The following XRCC4 variants were observed in gnomAD, a reference collection of about 807,000 sequenced individuals.
XRCC4 encodes X-ray repair cross complementing 4, also known as DNA repair protein XRCC4.
In XRCC4, 28 loss-of-function variants were observed where a neutral mutation model predicts 39.1. The ratio of observed to expected loss-of-function variants is 0.72; its 90% confidence interval spans 0.53 to 0.98. The LOEUF (loss-of-function observed/expected upper bound fraction) is 0.98. XRCC4 is among the 50% of genes least tolerant of loss of function. XRCC4 has a pLI of 0.00. For missense variants in XRCC4, 350 were observed against 376.4 expected, an observed-to-expected ratio of 0.93 and a Z score of 0.58; for synonymous variants, 123 against 126.4, an observed-to-expected ratio of 0.97 and a Z score of 0.18.
At chr5:83,135,057 C>T (rs1287887651) in intron 3 of XRCC4, among the ~76,000 whole-genome samples, 1 of 152,216 alleles carries the variant, frequency 6.6e-6, no homozygotes, top group African/African-American at 2.4e-5. Context: ...CAGCTTCATT[C>T]TTGAAGTCCG....
intron 3 of XRCC4, among the ~76,000 whole-genome samples, chr5:83,186,525 A>G (rs1750446063): frequency 6.6e-6 from 1 of 152,126 alleles, no homozygotes. Flanking sequence ...CATTGGGCCC[A>G]CCTGGCTAAT....
At chr5:83,225,358 T>C (rs1752247593) in intron 6 of XRCC4, among the ~76,000 whole-genome samples, 2 of 152,074 alleles carry the variant, frequency 1.3e-5, no homozygotes, top group East Asian at 1.9e-4. Flanking sequence ...TTACTTTTTC[T>C]GTACTGGGAC....
chr5:83,285,402 T>C (rs1754698178), intron 7 of XRCC4, among the ~76,000 whole-genome samples: 1 of 152,110 alleles, frequency 6.6e-6, no homozygotes, highest in African/African-American at 2.4e-5. Context: ...CATTTAACTT[T>C]AAGGAATATA....
intron 3 of XRCC4, among the ~76,000 whole-genome samples, chr5:83,192,345 G>A (rs527719970): frequency 8.2e-5 from 12 of 145,602 alleles, no homozygotes; most frequent in Non-Finnish European, 1.2e-4. Context: ...GTCTTGCTCT[G>A]TCACCAGGCT....
chr5:83,083,017 T>TG (rs1745022690), intron 1 of XRCC4, among the ~76,000 whole-genome samples: 1 of 152,178 alleles, frequency 6.6e-6, no homozygotes, highest in Non-Finnish European at 1.5e-5. Flanking sequence ...TCCATACAGC[T>TG]ATTCCTTCAT....
intron 3 of XRCC4, among the ~76,000 whole-genome samples, chr5:83,116,891 G>A (rs1746751091): frequency 6.6e-6 from 1 of 151,856 alleles, no homozygotes; most frequent in South Asian, 2.1e-4. Flanking sequence ...CAAAGTGCTG[G>A]GATTATAGGC....
At chr5:83,206,097 T>G (rs1751411041) in intron 6 of XRCC4, among the ~76,000 whole-genome samples, 2 of 151,964 alleles carry the variant, frequency 1.3e-5, no homozygotes, top group African/African-American at 2.4e-5. Context: ...CATTAGAACT[T>G]CTCCTGTTAC....
chr5:83,146,803 A>G (rs534165172), intron 3 of XRCC4, among the ~76,000 whole-genome samples: 207 of 152,320 alleles, frequency 1.4e-3, no homozygotes, highest in African/African-American at 4.8e-3. Flanking sequence ...ATTTTTCTGT[A>G]TGTTTTCTTT....
chr5:83,339,553 C>T (rs138292563), intron 7 of XRCC4, among the ~76,000 whole-genome samples: 2,858 of 152,064 alleles, frequency 0.019, 86 homozygotes, highest in African/African-American at 0.065. Context: ...GTGCGGCAAA[C>T]CACCATGGCA....
intron 6 of XRCC4, among the ~76,000 whole-genome samples, chr5:83,245,322 T>A (rs1024224115): frequency 1.3e-5 from 2 of 152,146 alleles, no homozygotes; most frequent in Non-Finnish European, 2.9e-5. Flanking sequence ...TTGAAATTAA[T>A]CTGTTGCTGT....
At chr5:83,159,209 T>G (rs1021650679) in intron 3 of XRCC4, among the ~76,000 whole-genome samples, 7 of 152,182 alleles carry the variant, frequency 4.6e-5, no homozygotes, top group African/African-American at 1.7e-4. Context: ...AAAATAATAA[T>G]TATTCATTTC....
intron 6 of XRCC4, among the ~76,000 whole-genome samples, chr5:83,236,390 A>G (rs1162452274): frequency 6.6e-6 from 1 of 152,250 alleles, no homozygotes; most frequent in Middle Eastern, 3.4e-3. Context: ...CTGGAACAGA[A>G]TAGAGAACCC....
rs1554065873 is a variant in XRCC4, at chr5:83,218,062, T to TATATATATATATATATA, written c.745+13141_745+13142insATATATATATATATATA. ...TTGAACTTCTCAGTCTTTACCTTTT[T>TATATATATATATATATA]TATATATATATATATATTTATTAGA... On this transcript the variant is annotated intron_variant, in intron 6 of 7. Transcript: ENST00000396027. 5.7e-3 allele frequency among the ~76,000 whole-genome samples: 844 copies of TATATATATATATATATA among 147,486 alleles called. 7 individuals carry two copies. Among genetic ancestry groups the TATATATATATATATATA allele is most frequent in the African/African-American group, 0.019 (764 of 39,756 alleles).
chr5:83,251,573 G>A (rs1021970043), intron 6 of XRCC4, among the ~76,000 whole-genome samples: 4 of 150,878 alleles, frequency 2.7e-5, no homozygotes, highest in South Asian at 2.1e-4. Flanking sequence ...TTTTGTAGGC[G>A]TAGAACAATA....
Position 83,252,918 on chromosome 5 carries a change from G to A in XRCC4, c.746-5612G>A, listed in dbSNP as rs187581904. 3.9e-3 allele frequency among the ~76,000 whole-genome samples: 601 copies of A among 152,278 alleles called. 4 individuals are homozygous for A. The highest frequency in any genetic ancestry group is 6.4e-3 in the Non-Finnish European group (436 of 68,014). On this transcript the variant is annotated intron_variant, in intron 6 of 7. Coordinates refer to ENST00000396027, the MANE Select transcript of XRCC4 (RefSeq NM_003401.5). ...TGTTAGGGTTTAGCACAAGGCATGG[G>A]TTCCAGCTATAGGGTATTCATAATT...
chr5:83,246,466 T>C (rs1753105318), intron 6 of XRCC4, among the ~76,000 whole-genome samples: 1 of 152,170 alleles, frequency 6.6e-6, no homozygotes. Context: ...TTTTAGTCTG[T>C]TACTTTGTCC....
intron 4 of XRCC4, among the ~76,000 whole-genome samples, chr5:83,199,948 C>T (rs1751112314): frequency 6.6e-6 from 1 of 151,908 alleles, no homozygotes; most frequent in South Asian, 2.1e-4. Context: ...TGGATTTGAT[C>T]CTTGGACTAG....
At chr5:83,299,730 G>C (rs749241017) in intron 7 of XRCC4, among the ~76,000 whole-genome samples, 32 of 152,060 alleles carry the variant, frequency 2.1e-4, no homozygotes, top group Non-Finnish European at 4.0e-4. Context: ...TTTATTTTTA[G>C]ATATTACGTG....
intron 6 of XRCC4, among the ~76,000 whole-genome samples, chr5:83,207,239 A>G (rs1751455455): frequency 6.6e-6 from 1 of 152,158 alleles, no homozygotes; most frequent in African/African-American, 2.4e-5. Flanking sequence ...AAAATTATTG[A>G]TGAGAAAATA....
Sources: gnomAD v4.1 joint callset for allele counts (sites outside exome capture counted in the v4.1 genomes callset) on GRCh38, gnomAD v4.1.1 for gene constraint, MANE v1.5 for transcripts, NCBI Gene and HGNC (gene_info 2026-07-23, HGNC 2026-07-21) for gene names.